Variants in MAP3K19 observed in about 807,000 individuals in gnomAD.
MAP3K19 encodes the protein mitogen-activated protein kinase kinase kinase 19, also known as SPS1/STE20-related protein kinase YSK4.
A neutral mutation model predicts 114.4 loss-of-function variants in MAP3K19; 91 were observed. The observed-to-expected ratio is 0.80, with a 90% CI of 0.67 to 0.95. MAP3K19 has a LOEUF of 0.95. Ranked by LOEUF, MAP3K19 falls within the 40% of genes least tolerant of loss-of-function variation. MAP3K19 has a pLI of 0.00. For missense variants in MAP3K19, 1,471 were observed against 1,573.2 expected, an observed-to-expected ratio of 0.94 and a Z score of 1.10; for synonymous variants, 518 against 530.5, an observed-to-expected ratio of 0.98 and a Z score of 0.32.
chr2:135,003,833 C>T (rs372805232), intron 6 of MAP3K19, among the ~76,000 whole-genome samples: 1 of 152,112 alleles, frequency 6.6e-6, no homozygotes, highest in African/African-American at 2.4e-5. Context: ...GGATTACAGG[C>T]GTGAGCCACA....
chr2:135,032,073 T>C (rs1032455676), intron 2 of MAP3K19, among the ~76,000 whole-genome samples: 1 of 152,110 alleles, frequency 6.6e-6, no homozygotes, highest in Non-Finnish European at 1.5e-5. Context: ...TTTCTGCTGG[T>C]GGAAGTGTAA....
At chr2:135,002,617 A>C (rs1686525104) in intron 6 of MAP3K19, among the ~76,000 whole-genome samples, 1 of 152,120 alleles carries the variant, frequency 6.6e-6, no homozygotes, top group African/African-American at 2.4e-5. Context: ...AGACTTTAAA[A>C]AAAAAAAACA....
intron 5 of MAP3K19, among the ~76,000 whole-genome samples, chr2:135,008,478 G>T (rs1686993259): frequency 6.6e-6 from 1 of 152,152 alleles, no homozygotes; most frequent in African/African-American, 2.4e-5. Flanking sequence ...ATGATGCTTA[G>T]TAGGTAATTT....
chr2:135,021,731 C>A lies in MAP3K19; in HGVS notation c.122G>T (p.Ser41Ile), dbSNP rs747200306. 6.2e-7 allele frequency: 1 copy of A among 1,609,572 alleles called. No individual in the cohort carries two copies. The highest frequency in any genetic ancestry group is 1.7e-5 in the Admixed American group (1 of 59,620). Residue 41 changes from serine (S) to isoleucine (I), a missense_variant, in exon 5 of 13, where the codon AGC (serine) becomes ATC (isoleucine). Transcript: ENST00000392915. Reference sequence around the variant, plus strand: ...GGCTCTTACCTCACTTCTGCTGATGCTTTGCAAGATGATGTTTTGATTTTT... The same window carrying A: ...GGCTCTTACCTCACTTCTGCTGATGATTTGCAAGATGATGTTTTGATTTTT... ...VTKNQNIILQ[S>I]ISRSEEFDQD...
chr2:134,998,655 T>C, intron 8 of MAP3K19, 83 bp downstream of exon 8: 1 of 1,395,528 alleles, frequency 7.2e-7, no homozygotes, highest in South Asian at 1.4e-5. Flanking sequence ...GCTTTATCTC[T>C]AGCATTTAGA....
chr2:134,982,113 CTTTTTTTTTTTT>C (rs35219224), intron 11 of MAP3K19, among the ~76,000 whole-genome samples: 5 of 76,352 alleles, frequency 6.5e-5, no homozygotes, highest in African/African-American at 1.6e-4. Context: ...CTTTTTCTTT[CTTTTTTTTTTTT>C]TTTTTTTTTG....
chr2:134,968,438 G>T, intron 12 of MAP3K19, among the ~76,000 whole-genome samples: 1 of 149,274 alleles, frequency 6.7e-6, no homozygotes, highest in East Asian at 2.0e-4. Context: ...AGGGGCGGCC[G>T]GGCAGAGGCG....
In MAP3K19 at chr2:134,999,350, G is replaced by A. The variant is rs983068081; in HGVS notation, c.315-353C>T. 6.6e-6 allele frequency among the ~76,000 whole-genome samples: 1 copy of A among 152,152 alleles called. No homozygotes were observed. Among genetic ancestry groups the A allele is most frequent in the African/African-American group, 2.4e-5 (1 of 41,434 alleles). On this transcript the variant is annotated intron_variant, in intron 7 of 12. Coordinates refer to ENST00000392915, the MANE Select transcript of MAP3K19 (RefSeq NM_025052.5). This position sits in a 1 kb window ranked among gnomAD's most constrained non-coding sequence, Gnocchi z 4.1. Reference sequence around the variant, plus strand: ...CAGTGTTTCTCAAACTATTTTTGATGAAGAACCAGCATTTAAATTTCCAGT... The same window carrying A: ...CAGTGTTTCTCAAACTATTTTTGATAAAGAACCAGCATTTAAATTTCCAGT...
At chr2:135,010,550 T>G (rs1687148844) in intron 5 of MAP3K19, among the ~76,000 whole-genome samples, 1 of 152,184 alleles carries the variant, frequency 6.6e-6, no homozygotes, top group Non-Finnish European at 1.5e-5. Flanking sequence ...GAGCATCGCA[T>G]TCTAGCCTGC....
In MAP3K19 at chr2:135,011,099, A is replaced by G. The variant is rs147600512; in HGVS notation, c.139-5568T>C. ...AAGAAAACAAAGCTTTCATTTAAAGAAAAGAGTGAAAGGGATTTAAACCCC... is the reference window on the plus strand; with the variant it reads ...AAGAAAACAAAGCTTTCATTTAAAGGAAAGAGTGAAAGGGATTTAAACCCC... On this transcript the variant is annotated intron_variant, in intron 5 of 12. Transcript: ENST00000392915. 3.0e-3 allele frequency among the ~76,000 whole-genome samples: 455 copies of G among 152,352 alleles called. 3 individuals are homozygous for G. The highest frequency in any genetic ancestry group is 0.01 in the African/African-American group (423 of 41,592).
At chr2:135,035,751 C>T (rs538463883) in intron 2 of MAP3K19, among the ~76,000 whole-genome samples, 1 of 152,298 alleles carries the variant, frequency 6.6e-6, no homozygotes, top group South Asian at 2.1e-4. Context: ...CCAGCCCCTG[C>T]CTGCATTTCC....
chr2:134,997,044 G>T (rs1686043915), intron 8 of MAP3K19, among the ~76,000 whole-genome samples: 1 of 151,986 alleles, frequency 6.6e-6, no homozygotes, highest in Admixed American at 6.6e-5. Context: ...GCCGGAATGT[G>T]TCTCAAACAA....
intron 12 of MAP3K19, among the ~76,000 whole-genome samples, chr2:134,967,127 C>A (rs745573058): frequency 1.1e-4 from 17 of 152,148 alleles, no homozygotes; most frequent in African/African-American, 4.1e-4. Flanking sequence ...GTGCAGGATG[C>A]GCCTTGCTAA....
intron 6 of MAP3K19, among the ~76,000 whole-genome samples, chr2:135,004,241 TGAAGTCTATGAAAGTCGAAGGAG>T (rs1393725696): frequency 2.6e-5 from 4 of 152,244 alleles, no homozygotes. Context: ...AGCTTGGCTT[TGAAGTCTATGAAAGTCGAAGGAG>T]GACTGCAAGG....
intron 8 of MAP3K19, among the ~76,000 whole-genome samples, chr2:134,997,289 T>C (rs1452457612): frequency 6.6e-6 from 1 of 152,172 alleles, no homozygotes; most frequent in Non-Finnish European, 1.5e-5. Context: ...AATAGTCAAA[T>C]TCGTATTGAG....
At chr2:135,020,024 CT>C (rs112740691) in intron 5 of MAP3K19, among the ~76,000 whole-genome samples, 37 of 148,596 alleles carry the variant, frequency 2.5e-4, no homozygotes, top group African/African-American at 5.4e-4. Flanking sequence ...TTTTCTTTTC[CT>C]TTTTTTTTTG....
At chr2:135,032,648 G>A (rs2104787176) in intron 2 of MAP3K19, among the ~76,000 whole-genome samples, 1 of 146,798 alleles carries the variant, frequency 6.8e-6, no homozygotes, top group East Asian at 2.0e-4. Flanking sequence ...TCATTCTTGG[G>A]TGTTTCTCGC....
chr2:134,987,979 T>C lies in MAP3K19; in HGVS notation c.893A>G (p.His298Arg), dbSNP rs1685286807. Residue 298 changes from histidine to arginine, a missense_variant, in exon 10 of 13, where the codon CAC (histidine) becomes CGC (arginine). Physicochemically the swap from His to Arg is conservative, Grantham distance 29. Transcript: ENST00000392915. Reference protein sequence around the residue: ...NMCSFPKTNHHRQCLEKEENW... With the variant: ...NMCSFPKTNHRRQCLEKEENW... Reference sequence around the variant, plus strand: ...TTCCTCCTTCTCCAGGCATTGCCTGTGATGGTTAGTCTTAGGAAAAGAGCA... The same window carrying C: ...TTCCTCCTTCTCCAGGCATTGCCTGCGATGGTTAGTCTTAGGAAAAGAGCA... 13 of 1,614,214 alleles carry C rather than the reference T, an allele frequency of 8.1e-6. No homozygotes were observed. Among genetic ancestry groups the C allele is most frequent in the Non-Finnish European group, 1.1e-5 (13 of 1,180,032 alleles).
intron 3 of MAP3K19, among the ~76,000 whole-genome samples, chr2:135,025,561 TATTTTTA>T: frequency 6.6e-6 from 1 of 151,988 alleles, no homozygotes. Flanking sequence ...AATTTTTTTG[TATTTTTA>T]GTAGAGACGG....
Sources: allele counts gnomAD v4.1 joint callset (sites outside exome capture counted in the v4.1 genomes callset), GRCh38; gene constraint gnomAD v4.1.1; non-coding constraint Gnocchi (gnomAD v3.1); transcripts MANE v1.5; gene names NCBI Gene and HGNC (gene_info 2026-07-23, HGNC 2026-07-21).